Variants in GLCCI1 observed in about 807,000 individuals in gnomAD.
The protein encoded by GLCCI1 is glucocorticoid induced 1, also known as glucocorticoid-induced transcript 1 protein.
In GLCCI1, 24 loss-of-function variants were observed where a neutral mutation model predicts 52.2. That is an observed-to-expected ratio of 0.46 (90% CI 0.33 to 0.65). The LOEUF is 0.65. Among genes scored for constraint, GLCCI1 ranks in the 30% least tolerant of loss-of-function variants. The pLI is 0.02. For synonymous variants in GLCCI1, 310 were observed against 276.5 expected (o/e 1.12, Z -1.20); for missense variants, 704 against 701.5 (o/e 1.00, Z -0.04).
At chr7:8,065,067 G>T (rs1449266681) in intron 5 of GLCCI1, among the ~76,000 whole-genome samples, 1 of 152,106 alleles carries the variant, frequency 6.6e-6, no homozygotes, top group East Asian at 1.9e-4. Context: ...AGCATGGAAT[G>T]TTTTTCTATC....
intron 3 of GLCCI1, among the ~76,000 whole-genome samples, chr7:8,046,895 T>C (rs1232091466): frequency 1.3e-5 from 2 of 152,080 alleles, no homozygotes; most frequent in Non-Finnish European, 2.9e-5. Flanking sequence ...AATGTAAGAA[T>C]AGTGCCAGGG....
At position 8,077,674 on chromosome 7, in the gene GLCCI1, T is replaced by C. The variant is rs140763619; in HGVS notation, c.1177+6543T>C. Among the ~76,000 whole-genome samples the C allele has an allele frequency of 1.8e-3, 275 of 152,250 alleles. 1 individual carries two copies. The highest frequency in any genetic ancestry group is 6.3e-3 in the African/African-American group (261 of 41,526). Reference sequence around the variant, plus strand: ...TCCAATATTACCACAGTCCTTTAGGTAGGTGACATTGTCATTATTAAAGGT... The same window carrying C: ...TCCAATATTACCACAGTCCTTTAGGCAGGTGACATTGTCATTATTAAAGGT... On this transcript the variant is annotated intron_variant, in intron 6 of 7. Coordinates refer to ENST00000223145, the MANE Select transcript of GLCCI1 (RefSeq NM_138426.4).
chr7:8,007,467 C>CACTA (rs1211801391), intron 2 of GLCCI1, among the ~76,000 whole-genome samples: 4 of 152,142 alleles, frequency 2.6e-5, no homozygotes, highest in African/African-American at 9.7e-5. Flanking sequence ...TTATGGCAAC[C>CACTA]ACTAACTACT....
chr7:8,045,292 A>G (rs779061218), intron 3 of GLCCI1, among the ~76,000 whole-genome samples: 11 of 152,158 alleles, frequency 7.2e-5, no homozygotes, highest in Non-Finnish European at 1.6e-4. Context: ...AGATGCACCC[A>G]CACTCGCTCA....
chr7:8,084,838 G>A, intron 6 of GLCCI1, 59 bp from the exon 7 acceptor site: 1 of 1,585,718 alleles, frequency 6.3e-7, no homozygotes, highest in Non-Finnish European at 8.6e-7. Flanking sequence ...TGTTTGTTTG[G>A]AAATCAAATT....
intron 1 of GLCCI1, among the ~76,000 whole-genome samples, chr7:7,971,345 T>A (rs1234684605): frequency 6.6e-6 from 1 of 152,238 alleles, no homozygotes; most frequent in African/African-American, 2.4e-5. Flanking sequence ...TCTAACAGAT[T>A]AATGCCATAT....
rs576028089 is a variant in GLCCI1 at position 8,069,633 on chromosome 7, A to G, written c.967-1288A>G. 2.6e-5 allele frequency among the ~76,000 whole-genome samples: 4 copies of G among 152,220 alleles called. No individual in the cohort carries two copies. The East Asian group carries it at 7.8e-4, about 30-fold the overall frequency. On this transcript the variant is annotated intron_variant, in intron 5 of 7. Coordinates refer to ENST00000223145, the MANE Select transcript of GLCCI1 (RefSeq NM_138426.4). ...GGTGAGTATGTCATGCTAGCAGTGC[A>G]AGTAAAGCCCTCGGCCTCTCTGTTT...
intron 7 of GLCCI1, among the ~76,000 whole-genome samples, chr7:8,085,343 C>T (rs1258702184): frequency 6.6e-6 from 1 of 152,114 alleles, no homozygotes; most frequent in African/African-American, 2.4e-5. Flanking sequence ...AGTTAATATC[C>T]GTGTGTGACT....
intron 3 of GLCCI1, among the ~76,000 whole-genome samples, chr7:8,040,096 T>C (rs1781964549): frequency 6.6e-6 from 1 of 150,738 alleles, no homozygotes; most frequent in African/African-American, 2.4e-5. Flanking sequence ...AAATAAATAA[T>C]AAAAAAGTAT....
At chr7:7,995,360 A>C (rs770476427) in intron 1 of GLCCI1, among the ~76,000 whole-genome samples, 2 of 152,148 alleles carry the variant, frequency 1.3e-5, no homozygotes, top group South Asian at 2.1e-4. Context: ...AAATACAAAA[A>C]TTAGCTGGGC....
At position 8,003,832 on chromosome 7, in the gene GLCCI1, T is replaced by G. The variant is rs1339746466; in HGVS notation, c.458-76T>G. On this transcript the variant is annotated intron_variant, in intron 1 of 7. Coordinates refer to ENST00000223145, the MANE Select transcript of GLCCI1 (RefSeq NM_138426.4). ...AGGAAAAATTGACAGGATGACATTC[T>G]ACAAACTATGAAGTTAGATAACTTT... 2.2e-6 allele frequency: 3 copies of G among 1,335,328 alleles called. No homozygotes were observed. In the Admixed American group the frequency reaches 6.2e-5, roughly 28 times the overall value. 82.7% of individuals were successfully genotyped at this position (1,335,328 alleles called of 1,614,324 possible).
chr7:8,026,126 A>G (rs73242082), intron 3 of GLCCI1, among the ~76,000 whole-genome samples: 7,886 of 152,250 alleles, frequency 0.052, 544 homozygotes, highest in African/African-American at 0.15. Context: ...TAATAGCACA[A>G]AGGAGTTAGG....
chr7:8,077,522 C>T (rs1782899227), intron 6 of GLCCI1, among the ~76,000 whole-genome samples: 1 of 152,224 alleles, frequency 6.6e-6, no homozygotes. Flanking sequence ...AAGCCCTGCT[C>T]TGCCACTTAA....
At chr7:8,069,645 C>T (rs540419654) in intron 5 of GLCCI1, among the ~76,000 whole-genome samples, 3 of 152,046 alleles carry the variant, frequency 2.0e-5, no homozygotes, top group South Asian at 2.1e-4. Context: ...GTAAAGCCCT[C>T]GGCCTCTCTG....
intron 6 of GLCCI1, among the ~76,000 whole-genome samples, chr7:8,082,568 T>TC: frequency 6.6e-6 from 1 of 152,274 alleles, no homozygotes; most frequent in South Asian, 2.1e-4. Context: ...GCTTTGCCTT[T>TC]CCAGACCATC....
chr7:8,040,861 T>G (rs1781981301), intron 3 of GLCCI1, among the ~76,000 whole-genome samples: 1 of 152,230 alleles, frequency 6.6e-6, no homozygotes. Flanking sequence ...AACTATCATT[T>G]TCCTCTCCTT....
chr7:7,993,014 T>G (rs1780872502), intron 1 of GLCCI1, among the ~76,000 whole-genome samples: 1 of 152,162 alleles, frequency 6.6e-6, no homozygotes, highest in African/African-American at 2.4e-5. Flanking sequence ...AAAAAAGGAT[T>G]TTTAGCTTAC....
chr7:8,044,183 G>A (rs999345115), intron 3 of GLCCI1, among the ~76,000 whole-genome samples: 13 of 151,910 alleles, frequency 8.6e-5, no homozygotes, highest in Non-Finnish European at 1.3e-4. Context: ...CTGACCTCGC[G>A]ATCCACCTGC....
chr7:8,073,278 A>ATCCTT (rs1464425440), intron 6 of GLCCI1, among the ~76,000 whole-genome samples: 1 of 152,092 alleles, frequency 6.6e-6, no homozygotes, highest in Non-Finnish European at 1.5e-5. Flanking sequence ...AGTTTCCCTA[A>ATCCTT]TCCTTTCAGG....
Sources: gnomAD v4.1 joint callset for allele counts (sites outside exome capture counted in the v4.1 genomes callset) on GRCh38, gnomAD v4.1.1 for gene constraint, MANE v1.5 for transcripts, NCBI Gene and HGNC (gene_info 2026-07-23, HGNC 2026-07-21) for gene names.